Variants in ZNF444 observed in about 807,000 individuals in gnomAD.
The protein encoded by ZNF444 is endothelial zinc finger protein 2.
ZNF444 carries 8 observed loss-of-function variants against 14.4 expected under a neutral mutation model. The ratio of observed to expected loss-of-function variants is 0.56; its 90% CI spans 0.33 to 1.00. The LOEUF (loss-of-function observed/expected upper bound fraction) is 1.00. ZNF444 is among the 50% of genes least tolerant of loss of function. ZNF444 has a pLI of 0.03. For missense variants in ZNF444, 510 were observed against 504.8 expected, an observed-to-expected ratio of 1.01 and a Z score of -0.10; for synonymous variants, 258 against 235.9, an observed-to-expected ratio of 1.09 and a Z score of -0.86.
At position 56,158,668 on chromosome 19, in the gene ZNF444, G is replaced by A. The variant is rs1011887633; in HGVS notation, c.406+66G>A. ...GCACCGGGGAGGGGGTTCAGTGAAC[G>A]ATCCTGGCACCAGGACCCAGGACAA... On this transcript the variant is annotated intron_variant, in intron 4 of 4. Coordinates refer to ENST00000337080, the MANE Select transcript of ZNF444 (RefSeq NM_018337.4). 31 of 1,380,992 alleles carry A rather than the reference G, an allele frequency of 2.2e-5. 1 individual carries two copies. The highest frequency in any genetic ancestry group is 9.6e-5 in the South Asian group (7 of 73,284). The allele number at this position is 1,380,992 out of a possible 1,614,324, so 85.5% of individuals were successfully genotyped here.
chr19:56,136,272 T>C (rs1450719357), intron 1 of ZNF444, among the ~76,000 whole-genome samples: 1 of 152,036 alleles, frequency 6.6e-6, no homozygotes, highest in African/African-American at 2.4e-5. Flanking sequence ...TTTGGAGCCC[T>C]GCCCTCACCC....
chr19:56,137,470 AAAAAAG>A (rs540007242), upstream of ZNF444, among the ~76,000 whole-genome samples: 169 of 151,756 alleles, frequency 1.1e-3, no homozygotes, highest in African/African-American at 4.0e-3. Flanking sequence ...ACTCAGCCTC[AAAAAAG>A]AAAAAGAAAA....
intron 3 of ZNF444, chr19:56,155,835 ACT>A (rs1599899236): frequency 1.3e-5 from 2 of 152,102 alleles, no homozygotes; most frequent in Non-Finnish European, 2.9e-5. Context: ...CAAGCAATCA[ACT>A]CTGCAGCAGA....
Position 56,159,873 on chromosome 19 carries a change from A to T in ZNF444, c.656A>T (p.Lys219Met), listed in dbSNP as rs769145306. ...CPECGKAFRR[K>M]EHLRRHRDTH... ...GAGTGCGGGAAGGCCTTTCGGCGCA[A>T]GGAGCACCTGCGGCGCCACCGCGAC... Residue 219 changes from lysine to methionine, a missense_variant, in exon 5 of 5, where the codon AAG becomes ATG. By Grantham distance (95) the Lys-to-Met change is moderately conservative. Transcript: ENST00000337080. 1.2e-5 allele frequency: 18 copies of T among 1,534,426 alleles called. No homozygotes were observed. The South Asian group carries it at 2.1e-4, about 18-fold the overall frequency.
rs186782645 is a variant in ZNF444 at position 56,160,357 on chromosome 19, T to G, written c.*156T>G. Reference sequence around the variant, plus strand: ...GTCTGAACTTCCCAACGCCTTCCTATTCCTTTCCAACTCCTTTTCCCCCAA... The same window carrying G: ...GTCTGAACTTCCCAACGCCTTCCTAGTCCTTTCCAACTCCTTTTCCCCCAA... On this transcript the variant is annotated 3_prime_UTR_variant, in exon 5 of 5. Transcript: ENST00000337080. 1,091 of 567,444 alleles carry G rather than the reference T, an allele frequency of 1.9e-3. 12 individuals are homozygous for G. The African/African-American group carries it at 0.02, about 10-fold the overall frequency. The allele number at this position is 567,444 out of a possible 1,614,324, so 35.2% of individuals were successfully genotyped here.
upstream of ZNF444, among the ~76,000 whole-genome samples, chr19:56,140,380 T>A (rs1471392864): frequency 2.6e-5 from 4 of 152,090 alleles, no homozygotes; most frequent in Non-Finnish European, 5.9e-5. Flanking sequence ...AATCCAAATA[T>A]GCTTCTTCAC....
Position 56,145,679 on chromosome 19 carries a change from G to T in ZNF444, c.-196-568G>T, listed in dbSNP as rs1218049082. Among the ~76,000 whole-genome samples the T allele has an allele frequency of 6.6e-6, 1 of 152,234 alleles. No homozygotes were observed. Among genetic ancestry groups the T allele is most frequent in the Non-Finnish European group, 1.5e-5 (1 of 68,042 alleles). On this transcript the variant is annotated intron_variant, in intron 1 of 4. Transcript: ENST00000337080. The surrounding 1 kb of genome is among the most constrained non-coding windows in gnomAD (Gnocchi z 4.3). ...AGGACACAAAAGGAGGCCGTCGGCA[G>T]CCTGGAAGAGGTGCTCACCAGAACC...
At chr19:56,155,193 G>A (rs2031830637) in intron 3 of ZNF444, 1 of 152,454 alleles carries the variant, frequency 6.6e-6, no homozygotes, top group African/African-American at 2.4e-5. Context: ...CAAGGGAAGA[G>A]ATGAGTGGAA....
intron 3 of ZNF444, among the ~76,000 whole-genome samples, chr19:56,148,216 G>A (rs2031327685): frequency 1.3e-5 from 2 of 152,164 alleles, no homozygotes; most frequent in African/African-American, 4.8e-5. Context: ...ATGAGCGGTG[G>A]GCAGCCACGC....
intron 1 of ZNF444, chr19:56,141,742 G>A (rs1307925040): frequency 6.6e-6 from 1 of 151,380 alleles, no homozygotes; most frequent in Non-Finnish European, 1.5e-5. Context: ...TGAGTGGGAA[G>A]CTGGACCCTA....
At chr19:56,138,463 CA>C (rs902965665), upstream of ZNF444, among the ~76,000 whole-genome samples, 2 of 149,182 alleles carry the variant, frequency 1.3e-5, no homozygotes, top group Admixed American at 6.7e-5. Context: ...GCTGTCCCTA[CA>C]AAAAAAAGAA....
intron 3 of ZNF444, among the ~76,000 whole-genome samples, chr19:56,149,343 C>T (rs1048368847): frequency 2.4e-5 from 3 of 125,990 alleles, no homozygotes; most frequent in Non-Finnish European, 5.2e-5. Context: ...TGACCTTGAC[C>T]TCTGCTTCCA....
upstream of ZNF444, among the ~76,000 whole-genome samples, chr19:56,136,901 C>T (rs2030624569): frequency 6.6e-6 from 1 of 152,040 alleles, no homozygotes; most frequent in African/African-American, 2.4e-5. Context: ...CCGCCTCAGC[C>T]TCCTTAGTAG....
In ZNF444 at chr19:56,159,900, C is replaced by G. The variant is rs1218186897; in HGVS notation, c.683C>G (p.Thr228Arg). 4.0e-6 allele frequency: 6 copies of G among 1,515,758 alleles called. No individual in the cohort carries two copies. The highest frequency in any genetic ancestry group is 5.3e-6 in the Non-Finnish European group (6 of 1,138,546). 93.9% of individuals were successfully genotyped at this position (1,515,758 alleles called of 1,614,324 possible). ...GAGCACCTGCGGCGCCACCGCGACA[C>G]GCACCCCGGCAGCCCCGGCAGCCCC... is the stretch of plus-strand genomic sequence containing the variant. ...RKEHLRRHRD[T>R]HPGSPGSPGP... The change falls in exon 5 of 5, where the codon ACG becomes AGG. Residue 228 changes from threonine (T) to arginine (R), a missense_variant. Transcript: ENST00000337080.
chr19:56,133,696 C>G (rs1333666767), intron 1 of ZNF444, among the ~76,000 whole-genome samples: 1 of 151,116 alleles, frequency 6.6e-6, no homozygotes, highest in African/African-American at 2.4e-5. Context: ...ACCTGTAGTC[C>G]CAGCTACTCG....
chr19:56,153,753 C>T (rs1343876795), intron 3 of ZNF444, among the ~76,000 whole-genome samples: 1 of 152,158 alleles, frequency 6.6e-6, no homozygotes, highest in Non-Finnish European at 1.5e-5. Context: ...GAGGCAGCTC[C>T]AGCCAGTACC....
chr19:56,160,416 C>A lies in ZNF444; in HGVS notation c.*215C>A. ...TTCCTTCTCAGGTCTCACCTCAGCC[C>A]CCCCCTTCTCCCTGATTTCTCGGCC... On this transcript the variant is annotated 3_prime_UTR_variant, in exon 5 of 5. Coordinates refer to ENST00000337080, the MANE Select transcript of ZNF444 (RefSeq NM_018337.4). The A allele has an allele frequency of 1.0e-5, 5 of 483,296 alleles. No individual in the cohort carries two copies. Among genetic ancestry groups the A allele is most frequent in the Non-Finnish European group, 1.4e-5 (4 of 277,380 alleles). The allele number at this position is 483,296 out of a possible 1,614,324, so 29.9% of individuals were successfully genotyped here. A position where few individuals can be genotyped will look rare whatever the true frequency, so the allele number is the denominator to read the frequency against.
chr19:56,147,745 G>A lies in ZNF444; in HGVS notation c.297+537G>A, dbSNP rs376132114. ...ATTCATCTTGCTTTTGGGCTGGCCT[G>A]AGTCCCCCGGGGCAGGCAGACCCTC... On this transcript the variant is annotated intron_variant, in intron 3 of 4. Coordinates refer to ENST00000337080, the MANE Select transcript of ZNF444 (RefSeq NM_018337.4). The surrounding 1 kb of genome is among the most constrained non-coding windows in gnomAD (Gnocchi z 5.9). Among the ~76,000 whole-genome samples, 227 of 152,234 alleles carry A rather than the reference G, an allele frequency of 1.5e-3. No homozygotes were observed. Among genetic ancestry groups the A allele is most frequent in the African/African-American group, 5.3e-3 (218 of 41,504 alleles).
chr19:56,133,880 A>C (rs1370803981), intron 1 of ZNF444, among the ~76,000 whole-genome samples: 1 of 151,676 alleles, frequency 6.6e-6, no homozygotes, highest in Middle Eastern at 3.2e-3. Context: ...ATGAGGGGGA[A>C]GTCAGATAAT....
Sources: gnomAD v4.1 joint callset for allele counts (sites outside exome capture counted in the v4.1 genomes callset) on GRCh38, gnomAD v4.1.1 for gene constraint, Gnocchi (gnomAD v3.1) non-coding constraint, MANE v1.5 for transcripts, NCBI Gene and HGNC (gene_info 2026-07-23, HGNC 2026-07-21) for gene names.